The following ACACB variants were observed in gnomAD, a reference collection of about 807,000 sequenced individuals.
The protein encoded by ACACB is acetyl-CoA carboxylase 2.
ACACB carries 209 observed loss-of-function variants against 278.8 expected under a neutral mutation model. The observed-to-expected ratio is 0.75, with a 90% CI of 0.67 to 0.84. The LOEUF is 0.84. Ranked by LOEUF, ACACB falls within the 40% of genes least tolerant of loss-of-function variation. ACACB has a pLI of 0.00. For synonymous variants in ACACB, 1,174 were observed against 1,285.6 expected (o/e 0.91, Z 1.86); for missense variants, 2,850 against 3,269.0 (o/e 0.87, Z 3.13).
At chr12:109,126,548 G>T (rs144866661) in intron 1 of ACACB, among the ~76,000 whole-genome samples, 3 of 152,096 alleles carry the variant, frequency 2.0e-5, no homozygotes, top group Admixed American at 1.3e-4. Flanking sequence ...GCTAGATGTC[G>T]TGGTGTGCAC....
At chr12:109,266,215 C>A in intron 52 of ACACB, 21 bp from the exon 53 acceptor site, 2 of 1,609,344 alleles carry the variant, frequency 1.2e-6, no homozygotes, top group Non-Finnish European at 1.7e-6. Flanking sequence ...GATCCCAGCC[C>A]TCCTCTCACC....
At chr12:109,144,048 C>T (rs1013077451) in intron 2 of ACACB, among the ~76,000 whole-genome samples, 3 of 152,076 alleles carry the variant, frequency 2.0e-5, no homozygotes, top group Admixed American at 6.5e-5. Flanking sequence ...TAAGGTGGCT[C>T]ACACCTGTAA....
chr12:109,235,794 T>G, intron 33 of ACACB, 147 bp downstream of exon 33: 1 of 673,682 alleles, frequency 1.5e-6, no homozygotes, highest in Non-Finnish European at 2.5e-6. Context: ...GCTCAGGAGT[T>G]CTAGACCAGC....
intron 40 of ACACB, among the ~76,000 whole-genome samples, chr12:109,248,449 A>C (rs1415533283): frequency 6.6e-6 from 1 of 152,224 alleles, no homozygotes; most frequent in Non-Finnish European, 1.5e-5. Context: ...TAAAAGCCTC[A>C]AAAGTAGGGA....
intron 1 of ACACB, among the ~76,000 whole-genome samples, chr12:109,131,115 C>T (rs1013927182): frequency 3.3e-5 from 5 of 152,134 alleles, no homozygotes; most frequent in African/African-American, 1.2e-4. Context: ...GGTCCTCAAG[C>T]CCACGAAGCC....
intron 24 of ACACB, among the ~76,000 whole-genome samples, chr12:109,221,894 T>TTGG (rs372053398): frequency 0.077 from 9,783 of 127,712 alleles, 700 homozygotes; most frequent in African/African-American, 0.18. Context: ...TTTTTTTTTT[T>TTGG]GGGGGGGAGA....
chr12:109,193,887 A>G (rs1189222867), intron 16 of ACACB, among the ~76,000 whole-genome samples, 158 bp downstream of exon 16: 6 of 152,220 alleles, frequency 3.9e-5, no homozygotes, highest in African/African-American at 1.4e-4. Flanking sequence ...CTTGACACCT[A>G]AACACTTTGG....
upstream of ACACB, chr12:109,112,965 A>T (rs2042338194): frequency 6.6e-6 from 1 of 152,188 alleles, no homozygotes; most frequent in Admixed American, 6.5e-5. Context: ...ACGTACAGGA[A>T]CGGGCGAGGC....
intron 2 of ACACB, among the ~76,000 whole-genome samples, chr12:109,155,238 C>G (rs770706515): frequency 2.6e-5 from 4 of 152,168 alleles, no homozygotes; most frequent in African/African-American, 9.7e-5. Context: ...CACGCCTTCC[C>G]CGCTTTCTCT....
chr12:109,168,165 GTCCT>G (rs1014002025), intron 4 of ACACB, 131 bp downstream of exon 4: 1 of 1,007,132 alleles, frequency 9.9e-7, no homozygotes, highest in Non-Finnish European at 1.4e-6. Flanking sequence ...GTATTTATTT[GTCCT>G]TCCTTCTTTA....
chr12:109,215,237 C>T (rs2045959342), intron 22 of ACACB, among the ~76,000 whole-genome samples: 1 of 151,574 alleles, frequency 6.6e-6, no homozygotes, highest in Admixed American at 6.6e-5. Flanking sequence ...TTAAAGCTTG[C>T]TAAAATTGGC....
chr12:109,198,308 GA>G lies in ACACB; in HGVS notation c.2628-1092del, dbSNP rs1203643783. 5.9e-5 allele frequency among the ~76,000 whole-genome samples: 9 copies of G among 152,298 alleles called. No individual in the cohort carries two copies. The East Asian group carries it at 1.7e-3, about 29-fold the overall frequency. ...GACTTTGAATCAGTAAATATTTGTTGAATCATATCCACTGATTGATTTTTCT... is the reference window on the plus strand; with the variant it reads ...GACTTTGAATCAGTAAATATTTGTTGATCATATCCACTGATTGATTTTTCT... On this transcript the variant is annotated intron_variant, in intron 17 of 52. Coordinates refer to ENST00000338432, the MANE Select transcript of ACACB (RefSeq NM_001093.4).
chr12:109,167,636 T>C (rs1372851220), intron 3 of ACACB, among the ~76,000 whole-genome samples: 5 of 130,736 alleles, frequency 3.8e-5, no homozygotes, highest in African/African-American at 1.5e-4. Context: ...TATATATATA[T>C]ATATATATAT....
intron 9 of ACACB, among the ~76,000 whole-genome samples, chr12:109,177,884 G>A (rs2044330999): frequency 6.6e-6 from 1 of 152,132 alleles, no homozygotes; most frequent in Admixed American, 6.6e-5. Context: ...TAGGGTCACA[G>A]CAAAATGGAG....
chr12:109,225,718 C>T (rs191691754), intron 27 of ACACB, among the ~76,000 whole-genome samples: 1 of 152,352 alleles, frequency 6.6e-6, no homozygotes, highest in Non-Finnish European at 1.5e-5. Flanking sequence ...ACTGCATTGT[C>T]CACTATGGCA....
At chr12:109,155,924 G>A (rs2043518999) in intron 2 of ACACB, among the ~76,000 whole-genome samples, 1 of 152,206 alleles carries the variant, frequency 6.6e-6, no homozygotes, top group Admixed American at 6.5e-5. Context: ...CTCACTGGAG[G>A]ATTTGAGTGG....
intron 22 of ACACB, among the ~76,000 whole-genome samples, chr12:109,213,681 G>A (rs1362095048): frequency 2.6e-5 from 4 of 151,940 alleles, no homozygotes; most frequent in African/African-American, 7.3e-5. Context: ...TGCAAGCTCC[G>A]CCTCCCGGGT....
In ACACB at chr12:109,181,904, G is replaced by C. The variant is rs1013368459; in HGVS notation, c.1818+1817G>C. ...CTGTTGCCCAGGCTGGAGTACAGTG[G>C]TGCGATCTTGGCTCACAGCAACCTC... On this transcript the variant is annotated intron_variant, in intron 11 of 52. Transcript: ENST00000338432. Among the ~76,000 whole-genome samples the C allele has an allele frequency of 7.2e-5, 10 of 138,398 alleles. 1 individual carries two copies. The highest frequency in any genetic ancestry group is 1.9e-4 in the African/African-American group (7 of 36,452). 90.8% of individuals were successfully genotyped at this position (138,398 alleles called of 152,430 possible).
chr12:109,267,236 G>C lies in ACACB; in HGVS notation c.*874G>C, dbSNP rs896654250. ...CTATTTTGTTCCCCAAATGGCGCTA[G>C]TGAATCACTAGGAGGGTCCCACTGA... On this transcript the variant is annotated 3_prime_UTR_variant, in exon 53 of 53. Coordinates refer to ENST00000338432, the MANE Select transcript of ACACB (RefSeq NM_001093.4). The C allele has an allele frequency of 6.6e-6, 1 of 152,196 alleles. No homozygotes were observed. The highest frequency in any genetic ancestry group is 2.4e-5 in the African/African-American group (1 of 41,444). The allele number at this position is 152,196 out of a possible 1,614,324, so 9.4% of individuals were successfully genotyped here.
Sources: allele counts gnomAD v4.1 joint callset (sites outside exome capture counted in the v4.1 genomes callset), GRCh38; gene constraint gnomAD v4.1.1; transcripts MANE v1.5; gene names NCBI Gene and HGNC (gene_info 2026-07-23, HGNC 2026-07-21).